The following CCDC30 variants were observed in gnomAD, a reference collection of about 807,000 sequenced individuals.
The protein encoded by CCDC30 is coiled-coil domain-containing protein 30.
In CCDC30, 70 loss-of-function variants were observed where a neutral mutation model predicts 100.2. That is an observed-to-expected ratio of 0.70 (90% CI 0.58 to 0.85). The LOEUF is 0.85. CCDC30 is among the 40% of genes least tolerant of loss of function. The pLI, the probability that CCDC30 is intolerant of heterozygous loss-of-function variation, is 0.00. For synonymous variants in CCDC30, 233 were observed against 269.5 expected, an observed-to-expected ratio of 0.86 and a Z score of 1.33; for missense variants, 652 against 771.2, an observed-to-expected ratio of 0.85 and a Z score of 1.83.
chr1:42,633,448 C>G (rs1647080179), intron 11 of CCDC30, among the ~76,000 whole-genome samples: 1 of 152,146 alleles, frequency 6.6e-6, no homozygotes, highest in South Asian at 2.1e-4. Context: ...CTAATCATAC[C>G]TTAGAATCCT....
At chr1:42,637,764 TG>T (rs928575175) in intron 12 of CCDC30, among the ~76,000 whole-genome samples, 4 of 152,220 alleles carry the variant, frequency 2.6e-5, no homozygotes, top group African/African-American at 9.6e-5. Context: ...TGAAAATAGG[TG>T]ATCCTTACTC....
At chr1:42,631,509 G>A (rs1647037023) in intron 11 of CCDC30, among the ~76,000 whole-genome samples, 1 of 152,168 alleles carries the variant, frequency 6.6e-6, no homozygotes, top group South Asian at 2.1e-4. Flanking sequence ...AAGTCCCTGG[G>A]CTCCGCAATC....
chr1:42,546,357 C>T (rs1184875813), intron 6 of CCDC30, among the ~76,000 whole-genome samples: 1 of 123,742 alleles, frequency 8.1e-6, no homozygotes, highest in Non-Finnish European at 1.7e-5. Context: ...TGCACTCCAG[C>T]CTGGGCAACA....
At chr1:42,456,476 A>G in the CCDC30 span, 1 of 1,341,368 alleles carries the variant, frequency 7.5e-7, no homozygotes, top group Non-Finnish European at 9.8e-7. Context: ...CCGCCCACTC[A>G]GTACGGCGCG....
At chr1:42,471,151 T>G (rs890700060) in intron 1 of CCDC30, among the ~76,000 whole-genome samples, 3 of 152,158 alleles carry the variant, frequency 2.0e-5, no homozygotes. Context: ...AATGGTCAAG[T>G]GAAGGAGCTT....
chr1:42,602,859 G>A (rs894243032), intron 10 of CCDC30, among the ~76,000 whole-genome samples: 4 of 152,110 alleles, frequency 2.6e-5, no homozygotes, highest in Admixed American at 6.5e-5. Context: ...TATCTCTCAC[G>A]TAGATATAAA....
At chr1:42,459,009 C>A (rs1343488345), upstream of CCDC30, among the ~76,000 whole-genome samples, 1 of 152,012 alleles carries the variant, frequency 6.6e-6, no homozygotes, top group Non-Finnish European at 1.5e-5. Flanking sequence ...GGGTTTGGTT[C>A]AAAAATAAAG....
chr1:42,497,128 A>C, exon 5 of CCDC30: 1 of 1,234,260 alleles, frequency 8.1e-7, no homozygotes. Flanking sequence ...GCAAAGGAAC[A>C]AAATCAGAGA....
At chr1:42,513,682 T>G (rs1250069325) in intron 6 of CCDC30, among the ~76,000 whole-genome samples, 3 of 152,226 alleles carry the variant, frequency 2.0e-5, no homozygotes, top group African/African-American at 7.2e-5. Context: ...TAATGAGGAC[T>G]TCCTTACCCT....
chr1:42,641,156 G>A (rs1647353450), intron 12 of CCDC30, among the ~76,000 whole-genome samples: 1 of 151,496 alleles, frequency 6.6e-6, no homozygotes, highest in African/African-American at 2.4e-5. Flanking sequence ...CTGTCACCCA[G>A]GCTAGAGTGC....
chr1:42,480,299 C>A (rs935314706), intron 1 of CCDC30, among the ~76,000 whole-genome samples, 162 bp from the exon 2 acceptor site: 4 of 151,836 alleles, frequency 2.6e-5, no homozygotes, highest in Non-Finnish European at 5.9e-5. Context: ...TAAATGCTAT[C>A]TTTTTAAAAA....
chr1:42,626,880 T>C (rs918799059), intron 11 of CCDC30, among the ~76,000 whole-genome samples: 4 of 152,168 alleles, frequency 2.6e-5, no homozygotes, highest in Non-Finnish European at 4.4e-5. Context: ...TTATTCCCAG[T>C]TTCAGGTATA....
At chr1:42,598,911 ATTGT>A (rs958251503) in intron 10 of CCDC30, among the ~76,000 whole-genome samples, 8 of 152,150 alleles carry the variant, frequency 5.3e-5, no homozygotes, top group Non-Finnish European at 8.8e-5. Flanking sequence ...AACAACAAAA[ATTGT>A]TTCTAAGTGA....
rs114916989 is a variant in CCDC30 at position 42,644,738 on chromosome 1, T to A, written c.1602T>A (p.Ser534Arg). ...AAAATAAGCAATTACAGGAAAATAG[T>A]CTTCGTCTCACACAGCAGATTGGCT... is the stretch of plus-strand genomic sequence containing the variant. The change falls in exon 14 of 17, where the codon AGT becomes AGA. Residue 534 changes from serine (S) to arginine (R), a missense_variant. Physicochemically the swap from Ser to Arg is moderately radical, Grantham distance 110 (BLOSUM62 -1). Transcript: ENST00000668663. 7.8e-4 allele frequency: 1,258 copies of A among 1,613,450 alleles called. 9 individuals are homozygous for A. In the African/African-American group the frequency reaches 0.015, roughly 19 times the overall value.
rs34048456 is a variant in CCDC30, at chr1:42,551,742, GGTGT to G, written c.457-14524_457-14521del. ...TATACCTTTTGAAAGGATAAATTCT[GGTGT>G]GTGTGTGTGTGTGTGTGTGTGTGTG... On this transcript the variant is annotated intron_variant, in intron 6 of 16. Transcript: ENST00000668663. 1.1e-3 allele frequency among the ~76,000 whole-genome samples: 165 copies of G among 144,580 alleles called. 2 individuals carry two copies. The highest frequency in any genetic ancestry group is 0.011 in the South Asian group (48 of 4,430). 94.9% of individuals were successfully genotyped at this position (144,580 alleles called of 152,430 possible).
chr1:42,598,831 C>CTTT (rs1646344641), intron 10 of CCDC30, among the ~76,000 whole-genome samples: 2 of 151,770 alleles, frequency 1.3e-5, no homozygotes, highest in South Asian at 4.1e-4. Flanking sequence ...GAGGCCAAGA[C>CTTT]AGGAGGATCG....
At chr1:42,464,529 G>C (rs1262735668) in intron 1 of CCDC30, among the ~76,000 whole-genome samples, 1 of 152,152 alleles carries the variant, frequency 6.6e-6, no homozygotes, top group African/African-American at 2.4e-5. Context: ...CATTCTTTGT[G>C]ATGTAAGCCA....
At chr1:42,497,042 C>G (rs956378675) in intron 4 of CCDC30, 56 bp from the exon 5 acceptor site, 37 of 895,542 alleles carry the variant, frequency 4.1e-5, no homozygotes, top group Non-Finnish European at 5.3e-5. Context: ...AGAGTTAGTG[C>G]CCCTGAAACT....
chr1:42,539,335 T>C, intron 6 of CCDC30, 25 bp downstream of exon 8: 1 of 1,569,326 alleles, frequency 6.4e-7, no homozygotes. Context: ...GGTATTTAAA[T>C]GTTCAATATT....
Sources: gnomAD v4.1 joint callset for allele counts (sites outside exome capture counted in the v4.1 genomes callset) on GRCh38, gnomAD v4.1.1 for gene constraint, MANE v1.5 for transcripts, NCBI Gene and HGNC (gene_info 2026-07-23, HGNC 2026-07-21) for gene names.